The following PCLO variants were observed in gnomAD, a reference collection of about 807,000 sequenced individuals.
The protein encoded by PCLO is protein piccolo.
A neutral mutation model predicts 427.5 loss-of-function variants in PCLO; 82 were observed. The ratio of observed to expected loss-of-function variants is 0.19; its 90% CI spans 0.16 to 0.23. The LOEUF is 0.23. Among genes scored for constraint, PCLO ranks in the 10% least tolerant of loss-of-function variants. The probability of loss-of-function intolerance (pLI) is 1.00; values close to 1 mark genes in which losing one functional copy is unlikely to be tolerated. For synonymous variants in PCLO, 2,357 were observed against 2,155.4 expected (o/e 1.09, Z -2.59); for missense variants, 6,239 against 6,115.9 (o/e 1.02, Z -0.67).
chr7:82,854,511 C>T (rs999636278), intron 10 of PCLO, among the ~76,000 whole-genome samples: 3 of 151,934 alleles, frequency 2.0e-5, no homozygotes, highest in Non-Finnish European at 2.9e-5. Context: ...AATGAATATT[C>T]TTTCAAATTT....
In PCLO at chr7:82,756,558, TG is replaced by T. The variant is rs1296113892; in HGVS notation, c.*2016del. The T allele has an allele frequency of 6.6e-6, 1 of 151,608 alleles. No homozygotes were observed. Among genetic ancestry groups the T allele is most frequent in the Admixed American group, 6.6e-5 (1 of 15,202 alleles). 9.4% of individuals were successfully genotyped at this position (151,608 alleles called of 1,614,324 possible). On this transcript the variant is annotated 3_prime_UTR_variant, in exon 25 of 25. Transcript: ENST00000333891. ...AAGTCATATATATATATATATATCC[TG>T]GGATATATTAGAAATTCTCTTATTT...
intron 3 of PCLO, among the ~76,000 whole-genome samples, chr7:82,987,104 T>C (rs1186724255): frequency 2.0e-5 from 3 of 152,032 alleles, no homozygotes; most frequent in Non-Finnish European, 4.4e-5. Context: ...ATAATGCATG[T>C]AATTTGTGTA....
intron 3 of PCLO, among the ~76,000 whole-genome samples, chr7:83,014,668 T>C (rs1562919425): frequency 1.3e-5 from 2 of 151,998 alleles, no homozygotes; most frequent in African/African-American, 2.4e-5. Context: ...GGGGAGAGTC[T>C]TGGTTCCCAG....
At chr7:83,116,893 G>A (rs896693375) in intron 3 of PCLO, among the ~76,000 whole-genome samples, 14 of 152,116 alleles carry the variant, frequency 9.2e-5, no homozygotes, top group African/African-American at 3.4e-4. Flanking sequence ...ACATGTCCAT[G>A]TTTATGGTAG....
At position 83,134,751 on chromosome 7, in the gene PCLO, C is replaced by T. The variant is rs375752276; in HGVS notation, c.2799G>A (p.Gly933=). 3 of 1,613,816 alleles carry T rather than the reference C, an allele frequency of 1.9e-6. No homozygotes were observed. The highest frequency in any genetic ancestry group is 2.5e-6 in the Non-Finnish European group (3 of 1,179,898). The change falls in exon 3 of 25, where the codon GGG becomes GGA. Residue 933 remains glycine (G), a synonymous_variant. Transcript: ENST00000333891. ...PQETVTGKLF[G]FGASIFSQAS... is the part of the protein sequence containing the mutation. ...CCTGGCTGAAGATTGATGCTCCAAACCCAAAGAGTTTCCCAGTCACGGTCT... is the reference window on the plus strand; with the variant it reads ...CCTGGCTGAAGATTGATGCTCCAAATCCAAAGAGTTTCCCAGTCACGGTCT...
intron 9 of PCLO, among the ~76,000 whole-genome samples, chr7:82,884,955 C>T (rs1447275843): frequency 2.0e-5 from 3 of 152,066 alleles, no homozygotes; most frequent in Admixed American, 2.0e-4. Flanking sequence ...AAGAAAAATA[C>T]TATTCTAATT....
chr7:83,121,063 C>A (rs947635774), intron 3 of PCLO, among the ~76,000 whole-genome samples: 1 of 152,100 alleles, frequency 6.6e-6, no homozygotes, highest in Non-Finnish European at 1.5e-5. Context: ...GTGGGCAGAT[C>A]ACGAGGTCAG....
intron 3 of PCLO, among the ~76,000 whole-genome samples, chr7:83,095,103 T>C (rs75357821): frequency 0.027 from 4,179 of 152,250 alleles, 191 homozygotes; most frequent in African/African-American, 0.095. Context: ...GGAATTTTTT[T>C]GTGGGAGTTT....
intron 14 of PCLO, among the ~76,000 whole-genome samples, chr7:82,839,595 T>G (rs779420655): frequency 1.8e-4 from 28 of 152,116 alleles, no homozygotes; most frequent in Admixed American, 4.6e-4. Context: ...AACAACTTCC[T>G]GATCTTTATT....
At chr7:82,933,016 G>T (rs554356201) in intron 6 of PCLO, among the ~76,000 whole-genome samples, 4 of 152,102 alleles carry the variant, frequency 2.6e-5, no homozygotes, top group Non-Finnish European at 5.9e-5. Flanking sequence ...TCCCTGAAGA[G>T]ACAGTTAGTT....
chr7:82,984,413 T>TGC, intron 3 of PCLO, among the ~76,000 whole-genome samples: 1 of 134,888 alleles, frequency 7.4e-6, no homozygotes, highest in Non-Finnish European at 1.6e-5. Flanking sequence ...GGTGTCTGTG[T>TGC]GTGTGTGTGT....
intron 3 of PCLO, among the ~76,000 whole-genome samples, chr7:82,990,422 T>C (rs1796350927): frequency 1.3e-5 from 2 of 152,274 alleles, no homozygotes; most frequent in South Asian, 4.1e-4. Context: ...TACTACCCTG[T>C]ACTCTCACCT....
chr7:82,854,233 A>G (rs1272620532), intron 10 of PCLO, among the ~76,000 whole-genome samples: 1 of 151,980 alleles, frequency 6.6e-6, no homozygotes, highest in Non-Finnish European at 1.5e-5. Context: ...GCATTGTTAC[A>G]TTGTTATATT....
At chr7:82,857,769 A>T (rs2115889504) in intron 10 of PCLO, among the ~76,000 whole-genome samples, 1 of 152,282 alleles carries the variant, frequency 6.6e-6, no homozygotes, top group Non-Finnish European at 1.5e-5. Context: ...GAGTAAAAGG[A>T]AAATTCAAAT....
At chr7:82,832,844 C>T (rs1158625526) in intron 16 of PCLO, among the ~76,000 whole-genome samples, 1 of 143,112 alleles carries the variant, frequency 7.0e-6, no homozygotes, top group Non-Finnish European at 1.5e-5. Context: ...CACACACACA[C>T]GTTTTTCAAA....
At position 82,915,791 on chromosome 7, in the gene PCLO, T is replaced by A; in HGVS notation, c.12195A>T (p.Ala4065=). 3 of 1,612,958 alleles carry A rather than the reference T, an allele frequency of 1.9e-6. No homozygotes were observed. The highest frequency in any genetic ancestry group is 1.7e-6 in the Non-Finnish European group (2 of 1,179,386). The change falls in exon 7 of 25, where the codon GCA becomes GCT. Residue 4065 remains alanine, a synonymous_variant. Transcript: ENST00000333891. ...ACAGATCCTTTTCATGAAGGCTAAA[T>A]GCGGTGCTTAATGCCGCTGTTCCTT... is the stretch of plus-strand genomic sequence containing the variant. ...ITKGTAALST[A]FSLHEKDLSK...
intron 6 of PCLO, among the ~76,000 whole-genome samples, chr7:82,919,402 C>A (rs965652299): frequency 6.6e-6 from 1 of 151,916 alleles, no homozygotes; most frequent in Non-Finnish European, 1.5e-5. Flanking sequence ...TCTGTCAAGG[C>A]TGGCTCCAGA....
chr7:83,093,475 TA>T (rs1282863706), intron 3 of PCLO, among the ~76,000 whole-genome samples: 2,258 of 101,160 alleles, frequency 0.022, 148 homozygotes, highest in African/African-American at 0.099. Context: ...TGTGTGTGTA[TA>T]GATATATATA....
chr7:82,883,488 A>C (rs1793557832), intron 9 of PCLO, among the ~76,000 whole-genome samples: 1 of 152,150 alleles, frequency 6.6e-6, no homozygotes, highest in Non-Finnish European at 1.5e-5. Flanking sequence ...AAACATGAAG[A>C]CCTAAAGAAT....
Sources: allele counts gnomAD v4.1 joint callset (sites outside exome capture counted in the v4.1 genomes callset), GRCh38; gene constraint gnomAD v4.1.1; transcripts MANE v1.5; gene names NCBI Gene and HGNC (gene_info 2026-07-23, HGNC 2026-07-21).